Variants in ST3GAL4 observed in about 807,000 individuals in gnomAD.
The protein encoded by ST3GAL4 is ST3 beta-galactoside alpha-2,3-sialyltransferase 4, also known as CMP-N-acetylneuraminate-beta-galactosamide-alpha-2,3-sialyltransferase 4.
ST3GAL4 carries 24 observed loss-of-function variants against 42.6 expected under a neutral mutation model. The ratio of observed to expected loss-of-function variants is 0.56; its 90% confidence interval spans 0.41 to 0.79. The LOEUF is 0.79. ST3GAL4 is among the 30% of genes least tolerant of loss of function. The probability of loss-of-function intolerance (pLI) is 0.00; values close to 1 mark genes in which losing one functional copy is unlikely to be tolerated. For synonymous variants in ST3GAL4, 135 were observed against 163.2 expected, an observed-to-expected ratio of 0.83 and a Z score of 1.32; for missense variants, 311 against 430.8, an observed-to-expected ratio of 0.72 and a Z score of 2.46.
intron 1 of ST3GAL4, among the ~76,000 whole-genome samples, chr11:126,395,992 G>T (rs1345008485): frequency 1.3e-5 from 2 of 151,934 alleles, no homozygotes; most frequent in Non-Finnish European, 2.9e-5. Flanking sequence ...AAGAGTCCAT[G>T]GGGTTTTGGG....
At chr11:126,407,979 A>G in intron 6 of ST3GAL4, 120 bp from the exon 7 acceptor site, 1 of 1,146,976 alleles carries the variant, frequency 8.7e-7, no homozygotes, top group Non-Finnish European at 1.2e-6. Flanking sequence ...TGCCTGCTTC[A>G]TGGGGACCAG....
Position 126,409,048 on chromosome 11 carries a change from C to G in ST3GAL4, c.628-220C>G, listed in dbSNP as rs191861476. 3.0e-3 allele frequency among the ~76,000 whole-genome samples: 464 copies of G among 152,324 alleles called. 1 individual carries two copies. Among genetic ancestry groups the G allele is most frequent in the African/African-American group, 0.01 (436 of 41,570 alleles). ...ACCCTCCACTCTATACACCTGGTCA[C>G]CTGGCCTCCCGAGGGGGTGCCTTTC... On this transcript the variant is annotated intron_variant, in intron 8 of 10. Transcript: ENST00000444328. This position sits in a 1 kb window ranked among gnomAD's most constrained non-coding sequence, Gnocchi z 4.9.
chr11:126,383,057 C>T lies in ST3GAL4; in HGVS notation c.-60-23039C>T, dbSNP rs1037185667. ...ACAGTGAGTGTGTGTTGTGTGGGTGCCAGGCCAGGGAGTGCCCTCCATGGG... is the reference window on the plus strand; with the variant it reads ...ACAGTGAGTGTGTGTTGTGTGGGTGTCAGGCCAGGGAGTGCCCTCCATGGG... On this transcript the variant is annotated intron_variant, in intron 1 of 10. Coordinates refer to ENST00000444328, the MANE Select transcript of ST3GAL4 (RefSeq NM_001254757.2). The surrounding 1 kb of genome is among the most constrained non-coding windows in gnomAD (Gnocchi z 4.5). 3.9e-5 allele frequency among the ~76,000 whole-genome samples: 6 copies of T among 152,208 alleles called. No individual in the cohort carries two copies. Among genetic ancestry groups the T allele is most frequent in the African/African-American group, 1.4e-4 (6 of 41,454 alleles).
At chr11:126,405,955 C>T in intron 1 of ST3GAL4, 141 bp from the exon 2 acceptor site, 1 of 1,004,382 alleles carries the variant, frequency 1.0e-6, no homozygotes, top group East Asian at 2.6e-5. Flanking sequence ...TGAGAAAACT[C>T]ACCCTCAGGA....
At chr11:126,408,653 C>A in intron 8 of ST3GAL4, 157 bp downstream of exon 8, 1 of 863,812 alleles carries the variant, frequency 1.2e-6, no homozygotes. Context: ...AGGCTGCCCT[C>A]CAAGGGTGGT....
intron 1 of ST3GAL4, among the ~76,000 whole-genome samples, chr11:126,402,682 G>C (rs1363650954): frequency 6.6e-6 from 1 of 152,182 alleles, no homozygotes; most frequent in East Asian, 1.9e-4. Context: ...ACTTGGTTGG[G>C]CGGGTACCTG....
intron 1 of ST3GAL4, among the ~76,000 whole-genome samples, chr11:126,402,718 G>A (rs1259672722): frequency 1.3e-5 from 2 of 152,228 alleles, no homozygotes; most frequent in South Asian, 2.1e-4. Flanking sequence ...GTGTTAGGCT[G>A]TGAATGCTGG....
At chr11:126,387,969 T>C (rs1384434791) in intron 1 of ST3GAL4, among the ~76,000 whole-genome samples, 1 of 152,258 alleles carries the variant, frequency 6.6e-6, no homozygotes, top group Non-Finnish European at 1.5e-5. Flanking sequence ...GTTTGCAGCC[T>C]CTTTTTCACA....
chr11:126,363,472 A>G lies in ST3GAL4; in HGVS notation c.-61+7630A>G, dbSNP rs1952318034. On this transcript the variant is annotated intron_variant, in intron 1 of 10. Coordinates refer to ENST00000444328, the MANE Select transcript of ST3GAL4 (RefSeq NM_001254757.2). This position sits in a 1 kb window ranked among gnomAD's most constrained non-coding sequence, Gnocchi z 4.6. The stretch of plus-strand genomic sequence containing the variant: ...TCAGGAGAGCCTTCATTGGGAGCCC[A>G]TGGGAGCAGGAGTCAGCTCCTCCTG... Among the ~76,000 whole-genome samples, 1 of 152,198 alleles carries G rather than the reference A, an allele frequency of 6.6e-6. No individual in the cohort carries two copies. Among genetic ancestry groups the G allele is most frequent in the Non-Finnish European group, 1.5e-5 (1 of 68,032 alleles).
rs927652088 is a variant in ST3GAL4, at chr11:126,406,383, G to C, written c.17-90G>C. On this transcript the variant is annotated intron_variant, in intron 2 of 10. Transcript: ENST00000444328. This position sits in a 1 kb window ranked among gnomAD's most constrained non-coding sequence, Gnocchi z 5.4. Reference sequence around the variant, plus strand: ...ACTGCTTCTGTTGAGTTAGGGGTCGGAGGGACTCAGAAGGGGGCAGGTGGG... The same window carrying C: ...ACTGCTTCTGTTGAGTTAGGGGTCGCAGGGACTCAGAAGGGGGCAGGTGGG... 7 of 1,602,334 alleles carry C rather than the reference G, an allele frequency of 4.4e-6. No homozygotes were observed. Among genetic ancestry groups the C allele is most frequent in the African/African-American group, 1.3e-5 (1 of 74,754 alleles).
intron 1 of ST3GAL4, among the ~76,000 whole-genome samples, chr11:126,361,686 G>T (rs1287091203): frequency 6.6e-6 from 1 of 152,060 alleles, no homozygotes; most frequent in Non-Finnish European, 1.5e-5. Flanking sequence ...ACCCCAGCAT[G>T]GACCTCAGTG....
At chr11:126,395,288 C>T (rs981476143) in intron 1 of ST3GAL4, among the ~76,000 whole-genome samples, 13 of 152,076 alleles carry the variant, frequency 8.5e-5, no homozygotes, top group Admixed American at 7.2e-4. Flanking sequence ...GCAAGCAAAA[C>T]AAGAGAAACA....
chr11:126,381,317 C>A (rs1952993296), intron 1 of ST3GAL4, among the ~76,000 whole-genome samples: 1 of 152,212 alleles, frequency 6.6e-6, no homozygotes, highest in African/African-American at 2.4e-5. Context: ...AGTCCCAACC[C>A]TGCAGGATGG....
At position 126,386,361 on chromosome 11, in the gene ST3GAL4, C is replaced by T. The variant is rs145412728; in HGVS notation, c.-60-19735C>T. 3.8e-3 allele frequency among the ~76,000 whole-genome samples: 582 copies of T among 152,256 alleles called. 1 individual carries two copies. The highest frequency in any genetic ancestry group is 4.6e-3 in the Admixed American group (71 of 15,294). Reference sequence around the variant, plus strand: ...GCCACAGTGCTCGAGTCAGTGCCCTCCCTGCTTGCATTCGGCCCACAGGCC... The same window carrying T: ...GCCACAGTGCTCGAGTCAGTGCCCTTCCTGCTTGCATTCGGCCCACAGGCC... On this transcript the variant is annotated intron_variant, in intron 1 of 10. Transcript: ENST00000444328. This position sits in a 1 kb window ranked among gnomAD's most constrained non-coding sequence, Gnocchi z 4.7.
rs1278051476 is a variant in ST3GAL4, at chr11:126,406,856, A to C, written c.102-87A>C. Reference sequence around the variant, plus strand: ...TCCTCCCCGGCACCTTGGGACCTTCATGCCGTGGGAGAAGGCTTAGGCTGC... The same window carrying C: ...TCCTCCCCGGCACCTTGGGACCTTCCTGCCGTGGGAGAAGGCTTAGGCTGC... On this transcript the variant is annotated intron_variant, in intron 3 of 10. Coordinates refer to ENST00000444328, the MANE Select transcript of ST3GAL4 (RefSeq NM_001254757.2). The surrounding 1 kb of genome is among the most constrained non-coding windows in gnomAD (Gnocchi z 5.4). 16 of 1,252,586 alleles carry C rather than the reference A, an allele frequency of 1.3e-5. No homozygotes were observed. Among genetic ancestry groups the C allele is most frequent in the Non-Finnish European group, 1.9e-5 (16 of 863,634 alleles). The allele number at this position is 1,252,586 out of a possible 1,614,324, so 77.6% of individuals were successfully genotyped here.
intron 1 of ST3GAL4, among the ~76,000 whole-genome samples, chr11:126,394,605 T>A (rs575764519): frequency 6.6e-6 from 1 of 152,044 alleles, no homozygotes; most frequent in East Asian, 1.9e-4. Context: ...TTGTATTTTT[T>A]ATAGAGATGG....
chr11:126,406,071 GAC>G lies in ST3GAL4; in HGVS notation c.-60-22_-60-21del, dbSNP rs1285234418. 5.2e-6 allele frequency: 8 copies of G among 1,551,436 alleles called. No individual in the cohort carries two copies. In the East Asian group the frequency reaches 2.0e-4, roughly 38 times the overall value. ...GCAGGAGAGTTTGTGAAGCTGACCG[GAC>G]ACCTGTGGCTCTTATTTCCTAGGTG... On this transcript the variant is annotated intron_variant, in intron 1 of 10. Coordinates refer to ENST00000444328, the MANE Select transcript of ST3GAL4 (RefSeq NM_001254757.2). This position sits in a 1 kb window ranked among gnomAD's most constrained non-coding sequence, Gnocchi z 5.4.
Position 126,384,882 on chromosome 11 carries a change from C to T in ST3GAL4, c.-60-21214C>T. The T allele has an allele frequency of 1.0e-6, 1 of 985,346 alleles. No homozygotes were observed. Among genetic ancestry groups the T allele is most frequent in the African/African-American group, 1.7e-5 (1 of 57,356 alleles). 61.0% of individuals were successfully genotyped at this position (985,346 alleles called of 1,614,324 possible). On this transcript the variant is annotated intron_variant, in intron 1 of 10. Coordinates refer to ENST00000444328, the MANE Select transcript of ST3GAL4 (RefSeq NM_001254757.2). The surrounding 1 kb of genome is among the most constrained non-coding windows in gnomAD (Gnocchi z 5.5). Reference sequence around the variant, plus strand: ...ATTGTGGTAGTGGTGGGGGCAGTGGCTGAGGACCCCTCTCTTTGCTGGGCT... The same window carrying T: ...ATTGTGGTAGTGGTGGGGGCAGTGGTTGAGGACCCCTCTCTTTGCTGGGCT...
chr11:126,372,779 A>G (rs1479135235), intron 1 of ST3GAL4, among the ~76,000 whole-genome samples: 1 of 152,164 alleles, frequency 6.6e-6, no homozygotes, highest in East Asian at 1.9e-4. Flanking sequence ...TTTCTTTTTC[A>G]GGCTGAATAA....
Sources: gnomAD v4.1 joint callset for allele counts (sites outside exome capture counted in the v4.1 genomes callset) on GRCh38, gnomAD v4.1.1 for gene constraint, Gnocchi (gnomAD v3.1) non-coding constraint, MANE v1.5 for transcripts, NCBI Gene and HGNC (gene_info 2026-07-23, HGNC 2026-07-21) for gene names.